NKAIN3: variants seen among roughly 807,000 people sequenced by gnomAD.
NKAIN3 encodes sodium/potassium-transporting ATPase subunit beta-1-interacting protein 3.
NKAIN3 carries 25 observed loss-of-function variants against 30.2 expected under a neutral mutation model. That is an observed-to-expected ratio of 0.83 (90% CI 0.60 to 1.16). The LOEUF (loss-of-function observed/expected upper bound fraction) is 1.16, where lower values mean the gene tolerates loss of function less well. NKAIN3 is among the 50% of genes most tolerant of loss of function. NKAIN3 has a pLI of 0.00. For synonymous variants in NKAIN3, 91 were observed against 89.6 expected (o/e 1.02, Z -0.09); for missense variants, 225 against 254.1 (o/e 0.89, Z 0.78).
chr8:62,424,399 T>C (rs1329858205), intron 1 of NKAIN3, among the ~76,000 whole-genome samples: 2 of 151,734 alleles, frequency 1.3e-5, no homozygotes, highest in Non-Finnish European at 2.9e-5. Context: ...ACCATACATC[T>C]AAAAATCAGT....
intron 1 of NKAIN3, among the ~76,000 whole-genome samples, chr8:62,289,680 G>A (rs1455650654): frequency 3.3e-5 from 5 of 152,154 alleles, no homozygotes; most frequent in Non-Finnish European, 7.3e-5. Context: ...GTAGGGTGAT[G>A]CCTCCAGCTT....
chr8:62,956,307 T>C (rs913909031), intron 6 of NKAIN3, among the ~76,000 whole-genome samples: 4 of 152,188 alleles, frequency 2.6e-5, no homozygotes, highest in African/African-American at 4.8e-5. Flanking sequence ...GCCTCTTTTA[T>C]CACAGTGAAG....
intron 1 of NKAIN3, among the ~76,000 whole-genome samples, chr8:62,318,317 T>C (rs1339014806): frequency 6.6e-6 from 1 of 152,002 alleles, no homozygotes; most frequent in Non-Finnish European, 1.5e-5. Flanking sequence ...GCACGTCCCA[T>C]GTTGTCCAAC....
At position 62,530,797 on chromosome 8, in the gene NKAIN3, C is replaced by T. The variant is rs1808463536; in HGVS notation, c.55-48742C>T. On this transcript the variant is annotated intron_variant, in intron 1 of 6. Transcript: ENST00000623646. The stretch of plus-strand genomic sequence containing the variant: ...GGGATTACATGTGTGTGCCACCACA[C>T]CTGGCTAATTTTTTGTATTTTTAGT... Among the ~76,000 whole-genome samples, 4 of 151,990 alleles carry T rather than the reference C, an allele frequency of 2.6e-5. No individual in the cohort carries two copies. The South Asian group carries it at 8.3e-4, about 32-fold the overall frequency.
intron 1 of NKAIN3, among the ~76,000 whole-genome samples, chr8:62,499,341 G>A (rs1563426773): frequency 6.6e-6 from 1 of 151,986 alleles, no homozygotes; most frequent in Non-Finnish European, 1.5e-5. Context: ...AGTACTCATG[G>A]TATCTGAAAT....
At chr8:62,571,223 C>T (rs181639583) in intron 1 of NKAIN3, among the ~76,000 whole-genome samples, 3 of 151,712 alleles carry the variant, frequency 2.0e-5, no homozygotes, top group South Asian at 4.2e-4. Flanking sequence ...GCAACCTCTG[C>T]CTCCCAGGTT....
chr8:62,954,290 G>A (rs1823362094), intron 6 of NKAIN3, among the ~76,000 whole-genome samples: 1 of 152,158 alleles, frequency 6.6e-6, no homozygotes, highest in Non-Finnish European at 1.5e-5. Context: ...TCCTGGGGCA[G>A]CACAGCAAAG....
intron 1 of NKAIN3, among the ~76,000 whole-genome samples, chr8:62,405,275 T>G: frequency 6.6e-6 from 1 of 152,338 alleles, no homozygotes; most frequent in Non-Finnish European, 1.5e-5. Context: ...GGCGTCTCAC[T>G]GGGTTGCATC....
chr8:62,935,406 C>T (rs1822754373), intron 5 of NKAIN3, among the ~76,000 whole-genome samples: 1 of 152,088 alleles, frequency 6.6e-6, no homozygotes, highest in African/African-American at 2.4e-5. Context: ...ACTCCATCGC[C>T]ATTACCTTGT....
At chr8:62,503,121 A>C (rs776785938) in intron 1 of NKAIN3, among the ~76,000 whole-genome samples, 1 of 152,158 alleles carries the variant, frequency 6.6e-6, no homozygotes, top group East Asian at 1.9e-4. Context: ...CCCACTCCCA[A>C]TATTTCAACA....
At chr8:62,949,053 A>T (rs1823205996) in intron 5 of NKAIN3, among the ~76,000 whole-genome samples, 1 of 152,212 alleles carries the variant, frequency 6.6e-6, no homozygotes, top group South Asian at 2.1e-4. Flanking sequence ...AATTTCTCAG[A>T]GCTGAGGGTG....
chr8:62,621,662 T>G (rs1462600649), intron 3 of NKAIN3, among the ~76,000 whole-genome samples: 1 of 152,122 alleles, frequency 6.6e-6, no homozygotes, highest in Non-Finnish European at 1.5e-5. Context: ...TTGCATGAAA[T>G]AATACAGAAG....
intron 4 of NKAIN3, among the ~76,000 whole-genome samples, chr8:62,813,666 G>A (rs1308172614): frequency 3.3e-5 from 5 of 151,592 alleles, no homozygotes; most frequent in Non-Finnish European, 5.9e-5. Flanking sequence ...TTCCACTCTT[G>A]TTTGTGTTTG....
At chr8:62,701,942 A>G (rs980924816) in intron 3 of NKAIN3, among the ~76,000 whole-genome samples, 1 of 152,186 alleles carries the variant, frequency 6.6e-6, no homozygotes, top group Non-Finnish European at 1.5e-5. Context: ...GCAGTGCGGC[A>G]TCTGTCCACT....
chr8:62,886,746 C>T (rs1821158061), intron 4 of NKAIN3, among the ~76,000 whole-genome samples: 1 of 152,044 alleles, frequency 6.6e-6, no homozygotes. Context: ...GTTTGCTGTA[C>T]CCATCAACCT....
intron 1 of NKAIN3, among the ~76,000 whole-genome samples, chr8:62,390,625 G>A (rs1032956340): frequency 1.3e-5 from 2 of 152,142 alleles, no homozygotes; most frequent in African/African-American, 4.8e-5. Context: ...ACTACACTGT[G>A]TTCCACAATG....
At chr8:62,912,884 G>T (rs1341273517) in intron 4 of NKAIN3, among the ~76,000 whole-genome samples, 2 of 152,014 alleles carry the variant, frequency 1.3e-5, no homozygotes, top group Non-Finnish European at 2.9e-5. Context: ...ACTCCAGCCT[G>T]GGCAACAAGA....
At position 62,966,247 on chromosome 8, in the gene NKAIN3, A is replaced by T. The variant is rs1823710559; in HGVS notation, c.*840A>T. 9.1e-6 allele frequency: 9 copies of T among 985,090 alleles called. No homozygotes were observed. Among genetic ancestry groups the T allele is most frequent in the Non-Finnish European group, 1.1e-5 (9 of 829,798 alleles). The allele number at this position is 985,090 out of a possible 1,614,324, so 61.0% of individuals were successfully genotyped here. ...CAGTCAGGAACTTTTCTCTTAGGAT[A>T]TTCAAAAGAAGCCTGAAAATGCTGT... On this transcript the variant is annotated 3_prime_UTR_variant, in exon 7 of 7. Coordinates refer to ENST00000623646, the MANE Select transcript of NKAIN3 (RefSeq NM_001304533.3).
At chr8:62,463,396 T>C (rs1022017484) in intron 1 of NKAIN3, among the ~76,000 whole-genome samples, 7 of 152,186 alleles carry the variant, frequency 4.6e-5, no homozygotes, top group African/African-American at 1.7e-4. Context: ...CCCTAGTATG[T>C]TCTACACTAT....
Sources: allele counts gnomAD v4.1 joint callset (sites outside exome capture counted in the v4.1 genomes callset), GRCh38; gene constraint gnomAD v4.1.1; transcripts MANE v1.5; gene names NCBI Gene and HGNC (gene_info 2026-07-23, HGNC 2026-07-21).